Variants in BABAM2 observed in about 807,000 individuals in gnomAD.
BABAM2 encodes the protein BRISC and BRCA1-A complex member 2.
BABAM2 carries 31 observed loss-of-function variants against 54.7 expected under a neutral mutation model. That is an observed-to-expected ratio of 0.57 (90% CI 0.43 to 0.77). The LOEUF (loss-of-function observed/expected upper bound fraction) is 0.77, where lower values mean the gene tolerates loss of function less well. Among genes scored for constraint, BABAM2 ranks in the 30% least tolerant of loss-of-function variants. The pLI is 0.00. For synonymous variants in BABAM2, 167 were observed against 162.9 expected, an observed-to-expected ratio of 1.03 and a Z score of -0.19; for missense variants, 364 against 455.8, an observed-to-expected ratio of 0.80 and a Z score of 1.83.
At chr2:28,323,414 T>G (rs183866228) in intron 11 of BABAM2, among the ~76,000 whole-genome samples, 9 of 152,330 alleles carry the variant, frequency 5.9e-5, no homozygotes, top group African/African-American at 1.9e-4. Flanking sequence ...AGGTCATTTG[T>G]TACATTACTG....
chr2:28,029,896 G>A (rs532898114), intron 5 of BABAM2, among the ~76,000 whole-genome samples: 2 of 152,204 alleles, frequency 1.3e-5, no homozygotes, highest in African/African-American at 4.8e-5. Context: ...AAACTTTGTT[G>A]AACTTAATTT....
intron 3 of BABAM2, among the ~76,000 whole-genome samples, chr2:27,964,769 T>C (rs1670720295): frequency 6.6e-6 from 1 of 152,188 alleles, no homozygotes; most frequent in South Asian, 2.1e-4. Context: ...TCCAAGATGA[T>C]TTTATTGGTT....
At chr2:28,272,205 G>T (rs1182240556) in intron 10 of BABAM2, among the ~76,000 whole-genome samples, 1 of 152,224 alleles carries the variant, frequency 6.6e-6, no homozygotes, top group South Asian at 2.1e-4. Flanking sequence ...ACCATAATAT[G>T]TTCAGAACTT....
At chr2:28,204,976 TAA>T (rs879466179) in intron 7 of BABAM2, among the ~76,000 whole-genome samples, 1 of 142,568 alleles carries the variant, frequency 7.0e-6, no homozygotes. Flanking sequence ...TAACTTTGGT[TAA>T]AAAAAAAAAA....
chr2:27,968,612 T>G (rs1017949264), intron 3 of BABAM2, among the ~76,000 whole-genome samples: 1 of 152,168 alleles, frequency 6.6e-6, no homozygotes, highest in African/African-American at 2.4e-5. Flanking sequence ...ACTGACAGCT[T>G]GCACCATGTG....
chr2:27,938,108 T>C (rs947285996), intron 3 of BABAM2, among the ~76,000 whole-genome samples: 6 of 152,204 alleles, frequency 3.9e-5, no homozygotes, highest in African/African-American at 1.2e-4. Flanking sequence ...AAAAATCAGT[T>C]AGCTGTAGAA....
intron 6 of BABAM2, among the ~76,000 whole-genome samples, chr2:28,060,482 G>C (rs1416676425): frequency 6.6e-6 from 1 of 152,096 alleles, no homozygotes; most frequent in African/African-American, 2.4e-5. Flanking sequence ...CAGTACTGGG[G>C]GGGCCTGGCC....
rs72857129 is a variant in BABAM2, at chr2:28,289,972, C to G, written c.935-8366C>G. Among the ~76,000 whole-genome samples the G allele has an allele frequency of 1.0e-2, 1,520 of 152,210 alleles. 24 individuals are homozygous for G. The highest frequency in any genetic ancestry group is 0.034 in the African/African-American group (1,428 of 41,512). ...CCCCACCCACAGAGGTAACCACTAC[C>G]CTTAATTTGGTGTATATCTTTCCTA... On this transcript the variant is annotated intron_variant, in intron 10 of 11. Transcript: ENST00000379624.
intron 7 of BABAM2, among the ~76,000 whole-genome samples, chr2:28,164,465 C>T (rs751182790): frequency 3.3e-5 from 5 of 151,948 alleles, no homozygotes; most frequent in Non-Finnish European, 7.4e-5. Flanking sequence ...AGGGCTCTGT[C>T]ATGTTCCGAG....
chr2:28,207,697 CAG>C (rs1679017649), intron 7 of BABAM2, among the ~76,000 whole-genome samples: 1 of 152,084 alleles, frequency 6.6e-6, no homozygotes, highest in Non-Finnish European at 1.5e-5. Flanking sequence ...AAGGCTAAAT[CAG>C]AGAATATGAT....
intron 3 of BABAM2, among the ~76,000 whole-genome samples, chr2:27,933,550 C>T (rs1464787578): frequency 6.6e-6 from 1 of 151,686 alleles, no homozygotes; most frequent in Non-Finnish European, 1.5e-5. Context: ...CTCACTGCAA[C>T]CTCCACCTCC....
rs72855694 is a variant in BABAM2, at chr2:28,224,641, C to A, written c.681-12561C>A. On this transcript the variant is annotated intron_variant, in intron 7 of 11. Transcript: ENST00000379624. Reference sequence around the variant, plus strand: ...CTCTCACAAAACTGAACGTTTGGCCCATTTACCATAAAGAAGCAAACAGTC... The same window carrying A: ...CTCTCACAAAACTGAACGTTTGGCCAATTTACCATAAAGAAGCAAACAGTC... Among the ~76,000 whole-genome samples, 1,390 of 152,138 alleles carry A rather than the reference C, an allele frequency of 9.1e-3. 14 individuals are homozygous for A. The highest frequency in any genetic ancestry group is 0.031 in the African/African-American group (1,296 of 41,500).
intron 4 of BABAM2, among the ~76,000 whole-genome samples, chr2:28,002,227 T>G (rs1673627924): frequency 6.6e-6 from 1 of 152,156 alleles, no homozygotes; most frequent in Non-Finnish European, 1.5e-5. Flanking sequence ...TATCTCCTAG[T>G]ACTTCTAGGT....
At chr2:28,085,361 A>G (rs1438265851) in intron 6 of BABAM2, among the ~76,000 whole-genome samples, 1 of 152,232 alleles carries the variant, frequency 6.6e-6, no homozygotes, top group African/African-American at 2.4e-5. Flanking sequence ...TGAATGGTAC[A>G]TTATAAATGT....
chr2:28,233,265 C>T (rs1287640759), intron 7 of BABAM2: 6 of 471,178 alleles, frequency 1.3e-5, no homozygotes, highest in Admixed American at 1.2e-4. Context: ...CTTCCCCAGC[C>T]ACTTAGTGGG....
In BABAM2 at chr2:28,257,346, A is replaced by G. The variant is rs999672811; in HGVS notation, c.934+12484A>G. Among the ~76,000 whole-genome samples the G allele has an allele frequency of 6.6e-5, 10 of 152,314 alleles. No individual in the cohort carries two copies. In the East Asian group the frequency reaches 1.9e-3, roughly 29 times the overall value. On this transcript the variant is annotated intron_variant, in intron 10 of 11. Transcript: ENST00000379624. ...AAAAAGTGTCCTTGTAAGCCTTTGCAGTTGGTCTCCTCCCCTGACTTCCAG... is the reference window on the plus strand; with the variant it reads ...AAAAAGTGTCCTTGTAAGCCTTTGCGGTTGGTCTCCTCCCCTGACTTCCAG...
intron 7 of BABAM2, among the ~76,000 whole-genome samples, chr2:28,134,172 TAA>T (rs1270077277): frequency 2.5e-4 from 12 of 47,700 alleles, no homozygotes; most frequent in South Asian, 5.2e-4. Context: ...TTCTGTTAAT[TAA>T]AAAAAAAAAA....
chr2:27,971,264 C>T (rs1350738741), intron 3 of BABAM2, among the ~76,000 whole-genome samples: 1 of 151,934 alleles, frequency 6.6e-6, no homozygotes, highest in African/African-American at 2.4e-5. Context: ...AGTGATAGTA[C>T]TTAACATAAT....
intron 6 of BABAM2, among the ~76,000 whole-genome samples, chr2:28,092,749 CCTCTCTCTCTCT>C (rs70953901): frequency 6.8e-6 from 1 of 146,820 alleles, no homozygotes; most frequent in African/African-American, 2.5e-5. Context: ...TTCGTCTCTG[CCTCTCTCTCTCT>C]CTCTCTCTCT....
Sources: allele counts gnomAD v4.1 joint callset (sites outside exome capture counted in the v4.1 genomes callset), GRCh38; gene constraint gnomAD v4.1.1; transcripts MANE v1.5; gene names NCBI Gene and HGNC (gene_info 2026-07-23, HGNC 2026-07-21).